SYT1: variants seen among roughly 807,000 people sequenced by gnomAD.
SYT1 encodes the protein synaptotagmin-1.
Under a neutral mutation model 44.8 loss-of-function variants are expected in SYT1, and 8 were observed. The observed-to-expected ratio is 0.18, with a 90% CI of 0.10 to 0.32. The LOEUF is 0.32. Ranked by LOEUF, SYT1 falls within the 10% of genes least tolerant of loss-of-function variation. The pLI is 1.00. For synonymous variants in SYT1, 154 were observed against 188.8 expected (o/e 0.82, Z 1.51); for missense variants, 286 against 509.3 (o/e 0.56, Z 4.22).
chr12:79,105,123 G>A (rs551370241), intron 3 of SYT1, among the ~76,000 whole-genome samples: 19 of 152,292 alleles, frequency 1.2e-4, no homozygotes, highest in Middle Eastern at 3.4e-3. Flanking sequence ...TTGAACATAG[G>A]TGGCTATTGG....
intron 4 of SYT1, among the ~76,000 whole-genome samples, chr12:79,276,094 A>G (rs1878704274): frequency 6.6e-6 from 1 of 152,084 alleles, no homozygotes; most frequent in Non-Finnish European, 1.5e-5. Context: ...ATAAGAAGAA[A>G]TATCCCCAGA....
At chr12:79,441,833 G>A (rs1336455438) in intron 9 of SYT1, among the ~76,000 whole-genome samples, 1 of 152,116 alleles carries the variant, frequency 6.6e-6, no homozygotes, top group Non-Finnish European at 1.5e-5. Context: ...CCTTCTGGCT[G>A]GTACAAGCAT....
intron 9 of SYT1, among the ~76,000 whole-genome samples, chr12:79,411,028 C>A: frequency 6.6e-6 from 1 of 152,088 alleles, no homozygotes; most frequent in South Asian, 2.1e-4. Context: ...TAGATAAGCC[C>A]GAGATTGGTT....
intron 9 of SYT1, among the ~76,000 whole-genome samples, chr12:79,372,517 C>A (rs1196973603): frequency 6.6e-6 from 1 of 152,162 alleles, no homozygotes; most frequent in Non-Finnish European, 1.5e-5. Context: ...GGTCAGCAGC[C>A]TTTAGGCCCA....
intron 3 of SYT1, among the ~76,000 whole-genome samples, chr12:79,211,708 G>A (rs1874468327): frequency 6.7e-6 from 1 of 150,258 alleles, no homozygotes; most frequent in African/African-American, 2.4e-5. Context: ...TTTTGTTCTT[G>A]TGATAGTTTA....
chr12:79,300,201 G>C (rs1308534390), intron 8 of SYT1, among the ~76,000 whole-genome samples: 2 of 152,110 alleles, frequency 1.3e-5, no homozygotes, highest in African/African-American at 2.4e-5. Context: ...GTGCATTTAA[G>C]CTTCATAATA....
intron 3 of SYT1, among the ~76,000 whole-genome samples, chr12:79,110,335 T>A (rs1225892968): frequency 6.6e-6 from 1 of 152,158 alleles, no homozygotes; most frequent in Admixed American, 6.5e-5. Context: ...AAATAATAAT[T>A]TGAAAAAAGA....
intron 2 of SYT1, among the ~76,000 whole-genome samples, chr12:79,011,848 T>C (rs554593312): frequency 3.3e-5 from 5 of 152,066 alleles, no homozygotes; most frequent in African/African-American, 1.2e-4. Flanking sequence ...GTGGGTGTTT[T>C]AGGCCTGGCA....
At chr12:79,359,330 A>G (rs1170220619) in intron 9 of SYT1, among the ~76,000 whole-genome samples, 1 of 152,086 alleles carries the variant, frequency 6.6e-6, no homozygotes, top group African/African-American at 2.4e-5. Context: ...TCAGGTCAAC[A>G]ATGGTTGCAA....
chr12:78,974,499 C>T (rs982262853), intron 1 of SYT1, among the ~76,000 whole-genome samples: 11 of 151,880 alleles, frequency 7.2e-5, no homozygotes, highest in Admixed American at 1.3e-4. Context: ...TGCAGTGGTA[C>T]GATCTCAGCT....
At chr12:78,933,434 G>A (rs926994003) in intron 1 of SYT1, among the ~76,000 whole-genome samples, 3 of 152,058 alleles carry the variant, frequency 2.0e-5, no homozygotes, top group Admixed American at 2.0e-4. Context: ...AGTAACCCAG[G>A]AAAATCATTG....
At chr12:78,979,482 T>A (rs1382116236) in intron 2 of SYT1, among the ~76,000 whole-genome samples, 1 of 152,206 alleles carries the variant, frequency 6.6e-6, no homozygotes, top group African/African-American at 2.4e-5. Flanking sequence ...GTGATTATAA[T>A]GTAATCCAAA....
At chr12:79,335,536 C>A (rs777389865) in intron 8 of SYT1, among the ~76,000 whole-genome samples, 1 of 152,174 alleles carries the variant, frequency 6.6e-6, no homozygotes, top group African/African-American at 2.4e-5. Context: ...GCTCTTCCGA[C>A]TAGCTTATTT....
chr12:78,902,030 C>T (rs971559956), intron 1 of SYT1, among the ~76,000 whole-genome samples: 17 of 149,412 alleles, frequency 1.1e-4, no homozygotes, highest in African/African-American at 2.4e-4. Flanking sequence ...ACACTGGAGC[C>T]TGTCATAGGG....
chr12:79,130,635 T>G (rs1868750601), intron 3 of SYT1, among the ~76,000 whole-genome samples: 1 of 152,206 alleles, frequency 6.6e-6, no homozygotes, highest in African/African-American at 2.4e-5. Context: ...AGTTCTAACT[T>G]CAACCCATTA....
At chr12:79,389,069 A>G (rs1884552237) in intron 9 of SYT1, among the ~76,000 whole-genome samples, 1 of 152,144 alleles carries the variant, frequency 6.6e-6, no homozygotes, top group Non-Finnish European at 1.5e-5. Context: ...CTTGTTTGTT[A>G]CTCTCCATAG....
rs1261570458 is a variant in SYT1 at position 79,047,336 on chromosome 12, A to C, written c.-44A>C. ...TCTGAAAGAAAGAAAACAAAGAAAA[A>C]CATACTCCAGAATTCCTAATAGAAC... is the stretch of plus-strand genomic sequence containing the variant. On this transcript the variant is annotated 5_prime_UTR_variant, in exon 3 of 11. Transcript: ENST00000261205. The C allele has an allele frequency of 6.6e-6, 1 of 151,876 alleles. No homozygotes were observed. Among genetic ancestry groups the C allele is most frequent in the Non-Finnish European group, 1.5e-5 (1 of 67,784 alleles). 9.4% of individuals were successfully genotyped at this position (151,876 alleles called of 1,614,324 possible).
intron 4 of SYT1, among the ~76,000 whole-genome samples, chr12:79,251,939 T>C (rs1022317975): frequency 1.3e-5 from 2 of 151,834 alleles, no homozygotes; most frequent in Non-Finnish European, 2.9e-5. Context: ...AATAACAGTG[T>C]TATGGTAGTT....
chr12:78,900,041 C>T lies in SYT1; in HGVS notation c.-217+34932C>T, dbSNP rs755852108. Among the ~76,000 whole-genome samples the T allele has an allele frequency of 2.5e-4, 38 of 151,944 alleles. 1 individual carries two copies. Among genetic ancestry groups the T allele is most frequent in the African/African-American group, 6.8e-4 (28 of 41,460 alleles). On this transcript the variant is annotated intron_variant, in intron 1 of 10. Coordinates refer to ENST00000261205, the MANE Select transcript of SYT1 (RefSeq NM_005639.3). The stretch of plus-strand genomic sequence containing the variant: ...CTTGTAATTGTACAGTAAGACCAAA[C>T]GCAAATGTGACAAACCAGGTTAATC...
Sources: allele counts gnomAD v4.1 joint callset (sites outside exome capture counted in the v4.1 genomes callset), GRCh38; gene constraint gnomAD v4.1.1; transcripts MANE v1.5; gene names NCBI Gene and HGNC (gene_info 2026-07-23, HGNC 2026-07-21).